IL1RAPL2: variants seen among roughly 807,000 people sequenced by gnomAD.
IL1RAPL2 encodes the protein interleukin 1 receptor accessory protein like 2, also known as X-linked interleukin-1 receptor accessory protein-like 2.
Under a neutral mutation model 44.1 loss-of-function variants are expected in IL1RAPL2, and 3 were observed. That is an observed-to-expected ratio of 0.07 (90% CI 0.03 to 0.18). IL1RAPL2 has a LOEUF of 0.18. IL1RAPL2 is among the 10% of genes least tolerant of loss of function. IL1RAPL2 has a pLI of 1.00. For missense variants in IL1RAPL2, 391 were observed against 496.4 expected (o/e 0.79, Z 2.02); for synonymous variants, 181 against 178.8 (o/e 1.01, Z -0.10).
intron 1 of IL1RAPL2, among the ~76,000 whole-genome samples, chrX:104,582,822 C>CTCTTTCTTTCTCTTTCTTTCTT (rs1928424324): frequency 4.9e-5 from 2 of 40,663 alleles, no homozygotes; most frequent in African/African-American, 2.1e-4. Context: ...TCCTTTCTTT[C>CTCTTTCTTTCTCTTTCTTTCTT]TCTTTCTTTC....
intron 2 of IL1RAPL2, among the ~76,000 whole-genome samples, chrX:105,143,838 G>A (rs1249366108): frequency 1.8e-5 from 2 of 110,070 alleles, no homozygotes; most frequent in Non-Finnish European, 3.8e-5. Context: ...GGGGCCTGTT[G>A]TAGGGTGGAG....
At chrX:105,548,299 G>A (rs2036822580) in intron 6 of IL1RAPL2, among the ~76,000 whole-genome samples, 1 of 111,031 alleles carries the variant, frequency 9.0e-6, no homozygotes, top group African/African-American at 3.3e-5. Context: ...GGAGTCAAGG[G>A]AACCATGAAC....
At chrX:104,854,861 G>T (rs1175086027) in intron 2 of IL1RAPL2, among the ~76,000 whole-genome samples, 1 of 111,640 alleles carries the variant, frequency 9.0e-6, no homozygotes. Context: ...CTAATTTTCT[G>T]ACCTGGGCCA....
At chrX:104,946,094 AT>A (rs1332712426) in intron 2 of IL1RAPL2, among the ~76,000 whole-genome samples, 3 of 109,176 alleles carry the variant, frequency 2.7e-5, no homozygotes, top group African/African-American at 1.0e-4. Flanking sequence ...CTTCACAACG[AT>A]TTTTTTTAAT....
At chrX:104,991,220 A>G (rs953392311) in intron 2 of IL1RAPL2, among the ~76,000 whole-genome samples, 1 of 111,662 alleles carries the variant, frequency 9.0e-6, no homozygotes, top group Non-Finnish European at 1.9e-5. Flanking sequence ...TATGTACAAG[A>G]TAGTAATACA....
At chrX:104,868,506 A>G in intron 2 of IL1RAPL2, among the ~76,000 whole-genome samples, 2 of 106,791 alleles carry the variant, frequency 1.9e-5, no homozygotes, top group South Asian at 7.8e-4. Flanking sequence ...GATATTTGCA[A>G]CAACAGTAGA....
At chrX:105,465,533 T>C (rs1216543881) in intron 5 of IL1RAPL2, among the ~76,000 whole-genome samples, 1 of 111,910 alleles carries the variant, frequency 8.9e-6, no homozygotes, top group East Asian at 2.8e-4. Flanking sequence ...CTTAAAGGCA[T>C]TGAAATAAAT....
chrX:105,099,572 C>T (rs1249538017), intron 2 of IL1RAPL2, among the ~76,000 whole-genome samples: 1 of 99,572 alleles, frequency 1.0e-5, no homozygotes, highest in Non-Finnish European at 2.0e-5. Flanking sequence ...TCACGCCATT[C>T]TCCTGCCTCA....
chrX:105,205,608 A>G (rs978199941), intron 3 of IL1RAPL2, among the ~76,000 whole-genome samples: 1 of 86,889 alleles, frequency 1.2e-5, no homozygotes, highest in African/African-American at 4.8e-5. Context: ...AAAAAAAAAA[A>G]AAAAAAAAAA....
At chrX:105,193,038 G>A (rs2033645376) in intron 2 of IL1RAPL2, among the ~76,000 whole-genome samples, 1 of 111,841 alleles carries the variant, frequency 8.9e-6, no homozygotes, top group Admixed American at 9.5e-5. Flanking sequence ...GAGCATGCTC[G>A]CTGTGACTCT....
intron 5 of IL1RAPL2, among the ~76,000 whole-genome samples, chrX:105,375,547 A>T (rs2035381640): frequency 9.0e-6 from 1 of 111,729 alleles, no homozygotes; most frequent in South Asian, 3.7e-4. Context: ...CAACAAAAAA[A>T]CCCTGTACCT....
intron 2 of IL1RAPL2, among the ~76,000 whole-genome samples, chrX:104,853,731 G>A: frequency 9.3e-6 from 1 of 107,979 alleles, no homozygotes. Flanking sequence ...GTGAAACCCC[G>A]TCTCTACTAA....
chrX:104,895,496 C>G (rs1425246193), intron 2 of IL1RAPL2, among the ~76,000 whole-genome samples: 4 of 112,683 alleles, frequency 3.5e-5, no homozygotes, highest in African/African-American at 6.4e-5. Context: ...GGGCGCCACT[C>G]TCCCAGCCTC....
chrX:104,711,687 GA>G (rs5903244), intron 2 of IL1RAPL2, among the ~76,000 whole-genome samples: 14 of 102,797 alleles, frequency 1.4e-4, no homozygotes, highest in East Asian at 9.3e-4. Flanking sequence ...TGGCTCATTG[GA>G]AAAAAAAAAG....
chrX:105,687,774 AAG>A (rs1431955502), intron 6 of IL1RAPL2, among the ~76,000 whole-genome samples: 1 of 111,772 alleles, frequency 8.9e-6, no homozygotes, highest in Admixed American at 9.5e-5. Flanking sequence ...ACAACAAAAA[AAG>A]AGAATTTAGA....
chrX:105,022,174 T>G (rs867822812), intron 2 of IL1RAPL2, among the ~76,000 whole-genome samples: 7 of 111,037 alleles, frequency 6.3e-5, no homozygotes, highest in African/African-American at 2.3e-4. Context: ...ATTATATATA[T>G]CTATAGATAA....
intron 2 of IL1RAPL2, among the ~76,000 whole-genome samples, chrX:104,958,171 G>T (rs755996780): frequency 9.0e-6 from 1 of 111,348 alleles, no homozygotes; most frequent in East Asian, 2.8e-4. Flanking sequence ...AAGGATCTTG[G>T]CTTTTCATTT....
intron 1 of IL1RAPL2, among the ~76,000 whole-genome samples, chrX:104,616,015 A>T (rs1240099198): frequency 8.9e-6 from 1 of 112,015 alleles, no homozygotes; most frequent in Non-Finnish European, 1.9e-5. Flanking sequence ...TGTTGGCCAC[A>T]TGAATGTCTT....
chrX:105,084,946 T>C (rs1256481370), intron 2 of IL1RAPL2, among the ~76,000 whole-genome samples: 1 of 110,978 alleles, frequency 9.0e-6, no homozygotes, highest in African/African-American at 3.3e-5. Context: ...TCTCATGAGA[T>C]CTGATGGTTT....
Sources: gnomAD v4.1 joint callset for allele counts (sites outside exome capture counted in the v4.1 genomes callset) on GRCh38, gnomAD v4.1.1 for gene constraint, MANE v1.5 for transcripts, NCBI Gene and HGNC (gene_info 2026-07-23, HGNC 2026-07-21) for gene names.